CTNNA3: variants seen among roughly 807,000 people sequenced by gnomAD.
CTNNA3 encodes the protein catenin alpha 3.
CTNNA3 carries 76 observed loss-of-function variants against 95.7 expected under a neutral mutation model. The ratio of observed to expected loss-of-function variants is 0.79; its 90% CI spans 0.66 to 0.96. CTNNA3 has a LOEUF of 0.96. CTNNA3 is among the 40% of genes least tolerant of loss of function. The probability of loss-of-function intolerance (pLI) is 0.00; values close to 1 mark genes in which losing one functional copy is unlikely to be tolerated. For synonymous variants in CTNNA3, 431 were observed against 374.4 expected, an observed-to-expected ratio of 1.15 and a Z score of -1.74; for missense variants, 1,191 against 1,089.8, an observed-to-expected ratio of 1.09 and a Z score of -1.31.
At chr10:67,555,427 C>T (rs916443698) in intron 3 of CTNNA3, among the ~76,000 whole-genome samples, 1 of 152,122 alleles carries the variant, frequency 6.6e-6, no homozygotes, top group East Asian at 1.9e-4. Flanking sequence ...TCTTTTATTT[C>T]GTTGAGCAGT....
At chr10:67,731,925 T>G (rs896347821) in intron 1 of CTNNA3, among the ~76,000 whole-genome samples, 17 of 150,262 alleles carry the variant, frequency 1.1e-4, no homozygotes, top group African/African-American at 3.5e-4. Context: ...CAAGCCCGGC[T>G]AATTTTTTTT....
chr10:67,025,696 C>T (rs1356646102), intron 7 of CTNNA3, among the ~76,000 whole-genome samples: 1 of 152,082 alleles, frequency 6.6e-6, no homozygotes, highest in Non-Finnish European at 1.5e-5. Context: ...ACAACAACAA[C>T]AAGTATTGTT....
intron 11 of CTNNA3, among the ~76,000 whole-genome samples, chr10:66,485,627 T>C (rs1387074330): frequency 2.0e-5 from 3 of 152,162 alleles, no homozygotes; most frequent in Non-Finnish European, 4.4e-5. Context: ...ACCATGTACA[T>C]GAATTGGAAG....
At chr10:66,781,605 A>C (rs1840539444) in intron 7 of CTNNA3, among the ~76,000 whole-genome samples, 1 of 152,222 alleles carries the variant, frequency 6.6e-6, no homozygotes, top group South Asian at 2.1e-4. Flanking sequence ...CTGAGTTTTG[A>C]AATGAGGTTT....
intron 11 of CTNNA3, among the ~76,000 whole-genome samples, chr10:66,512,545 A>G (rs12265118): frequency 0.18 from 28,074 of 151,900 alleles, 2,849 homozygotes; most frequent in African/African-American, 0.27. Flanking sequence ...TTACCAGTGA[A>G]TTGTATACTT....
chr10:67,071,503 GT>G (rs755653014), intron 7 of CTNNA3, among the ~76,000 whole-genome samples: 3 of 108,736 alleles, frequency 2.8e-5, no homozygotes, highest in East Asian at 2.6e-4. Flanking sequence ...GCTCTTTAAA[GT>G]TTTTTTTGTT....
At chr10:66,459,491 C>T (rs1166622334) in intron 11 of CTNNA3, among the ~76,000 whole-genome samples, 1 of 152,152 alleles carries the variant, frequency 6.6e-6, no homozygotes, top group Non-Finnish European at 1.5e-5. Flanking sequence ...TTCCCACTGG[C>T]AATACCCAAG....
chr10:66,790,822 C>T (rs1225032463), intron 7 of CTNNA3, among the ~76,000 whole-genome samples: 1 of 152,142 alleles, frequency 6.6e-6, no homozygotes, highest in African/African-American at 2.4e-5. Context: ...ATGACCTTCC[C>T]ACCAAAACGT....
At chr10:67,564,677 G>GTGTATA (rs1488656262) in intron 3 of CTNNA3, among the ~76,000 whole-genome samples, 117 of 61,304 alleles carry the variant, frequency 1.9e-3, no homozygotes, top group African/African-American at 4.9e-3. Flanking sequence ...GTGTGTGTGT[G>GTGTATA]TATATATATA....
intron 9 of CTNNA3, among the ~76,000 whole-genome samples, chr10:66,635,110 C>G (rs1020572231): frequency 6.6e-6 from 1 of 152,026 alleles, no homozygotes; most frequent in Non-Finnish European, 1.5e-5. Flanking sequence ...ATAGTTTATT[C>G]AAGGTCCCTC....
intron 17 of CTNNA3, among the ~76,000 whole-genome samples, chr10:65,957,516 A>T (rs997170337): frequency 6.6e-6 from 1 of 152,172 alleles, no homozygotes; most frequent in Non-Finnish European, 1.5e-5. Context: ...ATGTTTTTGC[A>T]GTGGCTGGTA....
At chr10:67,201,245 T>C (rs1863629854) in intron 6 of CTNNA3, among the ~76,000 whole-genome samples, 2 of 152,226 alleles carry the variant, frequency 1.3e-5, no homozygotes, top group Admixed American at 1.3e-4. Context: ...CCTCCTATAA[T>C]GCAACTACCT....
intron 5 of CTNNA3, among the ~76,000 whole-genome samples, chr10:67,343,016 G>A (rs886246698): frequency 3.3e-5 from 5 of 152,064 alleles, no homozygotes; most frequent in Admixed American, 6.5e-5. Context: ...ACAGTGGCAC[G>A]ATCTTGGCTC....
In CTNNA3 at chr10:66,507,657, T is replaced by A. The variant is rs77891780; in HGVS notation, c.1531+12960A>T. Among the ~76,000 whole-genome samples the A allele has an allele frequency of 8.3e-4, 126 of 152,260 alleles. 2 individuals carry two copies. In the East Asian group the frequency reaches 0.021, roughly 26 times the overall value. Reference sequence around the variant, plus strand: ...ACATAATGTCCTCCAGGCTCATCCATGTTACCAACGACAATATTTCATTTT... The same window carrying A: ...ACATAATGTCCTCCAGGCTCATCCAAGTTACCAACGACAATATTTCATTTT... On this transcript the variant is annotated intron_variant, in intron 11 of 17. Transcript: ENST00000433211.
chr10:66,530,959 C>T (rs1484442934), intron 10 of CTNNA3, among the ~76,000 whole-genome samples: 1 of 151,980 alleles, frequency 6.6e-6, no homozygotes, highest in African/African-American at 2.4e-5. Context: ...AAACATACTG[C>T]TGAAGAGGAA....
In CTNNA3 at chr10:66,210,720, A is replaced by C. The variant is rs146090025; in HGVS notation, c.1884+69750T>G. ...AAGAAAGATATCAGTGTATGCTAAA[A>C]TATATAAAATCCGATGCTAAGCAAA... On this transcript the variant is annotated intron_variant, in intron 13 of 17. Coordinates refer to ENST00000433211, the MANE Select transcript of CTNNA3 (RefSeq NM_013266.4). Among the ~76,000 whole-genome samples the C allele has an allele frequency of 1.5e-3, 224 of 152,378 alleles. 1 individual carries two copies. Among genetic ancestry groups the C allele is most frequent in the Middle Eastern group, 3.4e-3 (1 of 294 alleles).
chr10:67,427,490 T>C (rs896685007), intron 5 of CTNNA3, among the ~76,000 whole-genome samples: 2 of 152,042 alleles, frequency 1.3e-5, no homozygotes, highest in Non-Finnish European at 2.9e-5. Flanking sequence ...CCCTTCTCTT[T>C]GTAAAAATTC....
At chr10:66,382,069 C>T (rs2456753) in intron 11 of CTNNA3, among the ~76,000 whole-genome samples, 97,169 of 151,850 alleles carry the variant, frequency 0.64, 32,624 homozygotes, top group East Asian at 0.88. Flanking sequence ...GTTCATCTCA[C>T]TGGGACTGGT....
chr10:67,507,874 C>T (rs2133120347), intron 5 of CTNNA3, among the ~76,000 whole-genome samples: 1 of 152,204 alleles, frequency 6.6e-6, no homozygotes, highest in South Asian at 2.1e-4. Context: ...AAGTGGTACA[C>T]CACATTAACA....
Sources: allele counts gnomAD v4.1 joint callset (sites outside exome capture counted in the v4.1 genomes callset), GRCh38; gene constraint gnomAD v4.1.1; transcripts MANE v1.5; gene names NCBI Gene and HGNC (gene_info 2026-07-23, HGNC 2026-07-21).